DMXL1: variants seen among roughly 807,000 people sequenced by gnomAD.
DMXL1 encodes the protein dmX-like protein 1.
DMXL1 carries 99 observed loss-of-function variants against 319.2 expected under a neutral mutation model. The ratio of observed to expected loss-of-function variants is 0.31; its 90% CI spans 0.26 to 0.37. DMXL1 has a LOEUF of 0.37. DMXL1 is among the 10% of genes least tolerant of loss of function. The probability of loss-of-function intolerance (pLI) is 1.00; values close to 1 mark genes in which losing one functional copy is unlikely to be tolerated. For synonymous variants in DMXL1, 1,385 were observed against 1,235.2 expected, an observed-to-expected ratio of 1.12 and a Z score of -2.54; for missense variants, 3,745 against 3,595.6, an observed-to-expected ratio of 1.04 and a Z score of -1.06.
intron 36 of DMXL1, 104 bp from the exon 37 acceptor site, chr5:119,220,836 A>C: frequency 2.2e-6 from 3 of 1,390,900 alleles, no homozygotes; most frequent in Non-Finnish European, 2.0e-6. Flanking sequence ...GAGCTGAAGA[A>C]AATTAATTTT....
At position 119,220,561 on chromosome 5, in the gene DMXL1, G is replaced by T. The variant is rs1413109306; in HGVS notation, c.8103G>T (p.Trp2701Cys). ...TTCTGGCCACACAGGTCTACACTTGGGTAGATGATGATATAGAAGTGGAAA... is the reference window on the plus strand; with the variant it reads ...TTCTGGCCACACAGGTCTACACTTGTGTAGATGATGATATAGAAGTGGAAA... The part of the protein sequence containing the change: ...SGILATQVYT[W>C]VDDDIEVETK... Residue 2701 changes from tryptophan to cysteine, a missense_variant, in exon 36 of 44, where the codon TGG becomes TGT. Trp to Cys is a radical substitution (Grantham distance 215). Transcript: ENST00000539542. 6.2e-7 allele frequency: 1 copy of T among 1,613,636 alleles called. No homozygotes were observed. Among genetic ancestry groups the T allele is most frequent in the African/African-American group, 1.3e-5 (1 of 74,886 alleles).
At chr5:119,201,664 A>C (rs2150442596) in intron 32 of DMXL1, among the ~76,000 whole-genome samples, 1 of 152,164 alleles carries the variant, frequency 6.6e-6, no homozygotes, top group Admixed American at 6.5e-5. Context: ...TTCTTTGTAC[A>C]TTTCGTAGAA....
At chr5:119,104,526 A>T (rs1048970531) in intron 3 of DMXL1, among the ~76,000 whole-genome samples, 1 of 152,206 alleles carries the variant, frequency 6.6e-6, no homozygotes, top group Non-Finnish European at 1.5e-5. Context: ...TCAATCTGTA[A>T]TTGGGCTGTG....
At chr5:119,132,843 T>G in intron 10 of DMXL1, 2 of 563,378 alleles carry the variant, frequency 3.6e-6, no homozygotes, top group Non-Finnish European at 3.3e-6. Flanking sequence ...AGTCCAAGTT[T>G]TCTCCTTTCA....
At chr5:119,130,468 G>C (rs918160762) in intron 10 of DMXL1, among the ~76,000 whole-genome samples, 1 of 151,860 alleles carries the variant, frequency 6.6e-6, no homozygotes, top group Non-Finnish European at 1.5e-5. Context: ...TCAGCCTCCC[G>C]AGTAGCTAGG....
intron 1 of DMXL1, 108 bp downstream of exon 1, chr5:119,071,764 G>T: frequency 9.7e-7 from 1 of 1,034,562 alleles, no homozygotes; most frequent in East Asian, 2.7e-5. Flanking sequence ...TGTCTCCCCA[G>T]GGGGGTCCTT....
At chr5:119,165,462 A>G (rs1439050084) in intron 21 of DMXL1, among the ~76,000 whole-genome samples, 182 bp downstream of exon 21, 1 of 152,230 alleles carries the variant, frequency 6.6e-6, no homozygotes, top group African/African-American at 2.4e-5. Context: ...GAGTGGAAGA[A>G]ACCTGATGAG....
At chr5:119,084,893 TGTCTTCTGTGTG>T (rs1167431111) in intron 1 of DMXL1, among the ~76,000 whole-genome samples, 1 of 151,646 alleles carries the variant, frequency 6.6e-6, no homozygotes, top group African/African-American at 2.4e-5. Flanking sequence ...ATCCTAAAAT[TGTCTTCTGTGTG>T]GTCATTTTAA....
intron 34 of DMXL1, among the ~76,000 whole-genome samples, chr5:119,215,694 G>A (rs988776654): frequency 1.3e-5 from 2 of 152,044 alleles, no homozygotes; most frequent in South Asian, 2.1e-4. Context: ...GCCGGGCATT[G>A]GTGATATTTC....
chr5:119,186,252 C>A (rs1417431477), intron 28 of DMXL1, among the ~76,000 whole-genome samples: 1 of 152,098 alleles, frequency 6.6e-6, no homozygotes, highest in East Asian at 1.9e-4. Flanking sequence ...CTGCTGGTTA[C>A]TTTAAGTTCA....
chr5:119,238,274 A>G (rs1468644840), intron 40 of DMXL1, among the ~76,000 whole-genome samples: 3 of 152,036 alleles, frequency 2.0e-5, no homozygotes, highest in Admixed American at 1.3e-4. Context: ...TTCCAGGGGA[A>G]ATGGGGAGTT....
chr5:119,076,918 ATGT>A (rs1465264320), intron 1 of DMXL1, among the ~76,000 whole-genome samples: 1 of 152,372 alleles, frequency 6.6e-6, no homozygotes, highest in African/African-American at 2.4e-5. Flanking sequence ...GATAAACCTA[ATGT>A]TGTATGTGCC....
At chr5:119,217,042 T>C (rs1783820240) in intron 35 of DMXL1, 55 bp downstream of exon 35, 1 of 1,038,486 alleles carries the variant, frequency 9.6e-7, no homozygotes. Flanking sequence ...TTGGATAATA[T>C]CTTCTGTTTT....
chr5:119,125,551 T>G (rs1763336770), intron 9 of DMXL1, among the ~76,000 whole-genome samples: 1 of 152,060 alleles, frequency 6.6e-6, no homozygotes, highest in Non-Finnish European at 1.5e-5. Flanking sequence ...TGTGTATATA[T>G]ATATGTAATT....
At chr5:119,104,138 AGGT>A (rs1757845136) in intron 3 of DMXL1, 1 of 152,164 alleles carries the variant, frequency 6.6e-6, no homozygotes, top group African/African-American at 2.4e-5. Context: ...TATTCTTGTG[AGGT>A]GGTGGTCTTC....
At chr5:119,169,917 A>G (rs1442369552) in intron 23 of DMXL1, among the ~76,000 whole-genome samples, 4 of 152,240 alleles carry the variant, frequency 2.6e-5, no homozygotes, top group African/African-American at 4.8e-5. Context: ...CTAAGAGTCT[A>G]TAACTGGACG....
intron 19 of DMXL1, among the ~76,000 whole-genome samples, chr5:119,154,348 G>A (rs767329974): frequency 6.6e-6 from 1 of 152,194 alleles, no homozygotes; most frequent in African/African-American, 2.4e-5. Flanking sequence ...AAATGCAAAG[G>A]ACAAGGTCCA....
intron 20 of DMXL1, 113 bp downstream of exon 20, chr5:119,164,789 G>A (rs889857313): frequency 1.9e-5 from 17 of 895,218 alleles, no homozygotes; most frequent in Admixed American, 2.8e-5. Context: ...GCAGCAAAAG[G>A]CTTTTGAATA....
intron 17 of DMXL1, among the ~76,000 whole-genome samples, chr5:119,148,205 A>G (rs1193979946): frequency 6.6e-6 from 1 of 152,194 alleles, no homozygotes; most frequent in Non-Finnish European, 1.5e-5. Flanking sequence ...AGGGCCCTGT[A>G]AAGTGACCAT....
Sources: gnomAD v4.1 joint callset for allele counts (sites outside exome capture counted in the v4.1 genomes callset) on GRCh38, gnomAD v4.1.1 for gene constraint, MANE v1.5 for transcripts, NCBI Gene and HGNC (gene_info 2026-07-23, HGNC 2026-07-21) for gene names.